DNMBP: variants seen among roughly 807,000 people sequenced by gnomAD.
DNMBP encodes the protein dynamin-binding protein.
A neutral mutation model predicts 150.0 loss-of-function variants in DNMBP; 87 were observed. The observed-to-expected ratio is 0.58, with a 90% confidence interval of 0.49 to 0.69. DNMBP has a LOEUF of 0.69. Ranked by LOEUF, DNMBP falls within the 30% of genes least tolerant of loss-of-function variation. The pLI is 0.00. For synonymous variants in DNMBP, 711 were observed against 750.4 expected, an observed-to-expected ratio of 0.95 and a Z score of 0.86; for missense variants, 1,774 against 1,949.0, an observed-to-expected ratio of 0.91 and a Z score of 1.69.
chr10:99,994,725 C>T (rs2040933156), intron 1 of DNMBP, among the ~76,000 whole-genome samples: 1 of 152,238 alleles, frequency 6.6e-6, no homozygotes, highest in Non-Finnish European at 1.5e-5. Flanking sequence ...AATCAATTTA[C>T]TGACTGTTCT....
intron 1 of DNMBP, among the ~76,000 whole-genome samples, chr10:100,009,169 T>G (rs569102990): frequency 6.6e-6 from 1 of 152,360 alleles, no homozygotes; most frequent in Non-Finnish European, 1.5e-5. Context: ...ACTTAAAATT[T>G]AAGTCTATAC....
chr10:99,968,759 A>C (rs2040645767), intron 3 of DNMBP, among the ~76,000 whole-genome samples: 1 of 151,860 alleles, frequency 6.6e-6, no homozygotes, highest in South Asian at 2.1e-4. Flanking sequence ...CATTGGAAAG[A>C]TAACACTGGA....
chr10:99,937,598 T>C (rs186845407), intron 4 of DNMBP, among the ~76,000 whole-genome samples: 1 of 152,228 alleles, frequency 6.6e-6, no homozygotes, highest in East Asian at 1.9e-4. Flanking sequence ...AAATAGAAAG[T>C]ATCCTGGCCT....
At chr10:99,877,589 C>T (rs995901132) in intron 16 of DNMBP, among the ~76,000 whole-genome samples, 1 of 152,150 alleles carries the variant, frequency 6.6e-6, no homozygotes, top group Admixed American at 6.5e-5. Context: ...TTTGGCCGGG[C>T]ACGGTGGCTC....
chr10:99,974,576 C>T (rs1289536464), intron 1 of DNMBP, among the ~76,000 whole-genome samples: 3 of 152,160 alleles, frequency 2.0e-5, no homozygotes, highest in South Asian at 4.1e-4. Flanking sequence ...TAGCTCACTG[C>T]AGCCTTGAAC....
chr10:99,977,932 C>T (rs917125418), intron 1 of DNMBP, among the ~76,000 whole-genome samples: 2 of 152,146 alleles, frequency 1.3e-5, no homozygotes, highest in African/African-American at 4.8e-5. Context: ...GGCAACAGTG[C>T]CATAGCAATG....
At chr10:99,893,270 C>A (rs114711434) in intron 11 of DNMBP, among the ~76,000 whole-genome samples, 1,760 of 152,292 alleles carry the variant, frequency 0.012, 33 homozygotes, top group African/African-American at 0.041. Context: ...CAGAAGTACA[C>A]TGGCCTTCAG....
At chr10:99,895,073 T>C (rs1353750501) in intron 10 of DNMBP, 23 bp from the exon 11 acceptor site, 2 of 1,472,874 alleles carry the variant, frequency 1.4e-6, no homozygotes, top group African/African-American at 1.4e-5. Context: ...AAACAAGTGC[T>C]GTTAGCAAAT....
At chr10:99,918,495 T>G (rs534844499) in intron 4 of DNMBP, among the ~76,000 whole-genome samples, 1 of 151,940 alleles carries the variant, frequency 6.6e-6, no homozygotes, top group East Asian at 1.9e-4. Context: ...CCTTTCCCCT[T>G]TTCATATCCA....
At chr10:99,893,546 C>T (rs188893866) in intron 11 of DNMBP, among the ~76,000 whole-genome samples, 2 of 152,260 alleles carry the variant, frequency 1.3e-5, no homozygotes, top group Non-Finnish European at 2.9e-5. Flanking sequence ...CCATCCTGGC[C>T]AACATGATGA....
intron 4 of DNMBP, among the ~76,000 whole-genome samples, chr10:99,934,723 C>T (rs1309194889): frequency 3.2e-5 from 4 of 126,666 alleles, no homozygotes; most frequent in South Asian, 5.0e-4. Context: ...ATTTGGTAGA[C>T]GTGAGGAAAT....
chr10:99,877,807 T>A (rs2039299954), intron 16 of DNMBP, among the ~76,000 whole-genome samples: 1 of 151,924 alleles, frequency 6.6e-6, no homozygotes, highest in South Asian at 2.1e-4. Context: ...GAGGTTGCAG[T>A]GAGCCAAGAT....
intron 10 of DNMBP, among the ~76,000 whole-genome samples, chr10:99,895,524 TC>T (rs1752872923): frequency 6.6e-6 from 1 of 152,242 alleles, no homozygotes; most frequent in African/African-American, 2.4e-5. Context: ...GCATGTGGTT[TC>T]AAAAGACCTC....
Position 99,898,305 on chromosome 10 carries a change from G to T in DNMBP, c.2721-20C>A, listed in dbSNP as rs749998958. The T allele has an allele frequency of 2.5e-6, 4 of 1,595,228 alleles. No homozygotes were observed. The South Asian group carries it at 4.4e-5, about 18-fold the overall frequency. ...CATCCCCTGTAAGAGAAGGAAAAAA[G>T]ACTTTAGTAAGCTATCAATAATATA... On this transcript the variant is annotated intron_variant, in intron 8 of 16. Transcript: ENST00000324109.
In DNMBP at chr10:99,941,904, C is replaced by A. The variant is rs376199188; in HGVS notation, c.2260+13310G>T. ...CCAAGGTGCTGGCATCCATCCCTTGCCTGGGTCACTGCAGTAGCCTCCTAA... is the reference window on the plus strand; with the variant it reads ...CCAAGGTGCTGGCATCCATCCCTTGACTGGGTCACTGCAGTAGCCTCCTAA... On this transcript the variant is annotated intron_variant, in intron 4 of 16. Transcript: ENST00000324109. Among the ~76,000 whole-genome samples the A allele has an allele frequency of 3.3e-5, 5 of 152,344 alleles. No individual in the cohort carries two copies. In the East Asian group the frequency reaches 7.7e-4, roughly 24 times the overall value.
chr10:100,005,786 C>CAAAAAAAAAAAAAAAAAAAAAAAAAAAA (rs1589458237), intron 1 of DNMBP, among the ~76,000 whole-genome samples: 1 of 101,084 alleles, frequency 9.9e-6, no homozygotes. Context: ...AAAAAAAAAC[C>CAAAAAAAAAAAAAAAAAAAAAAAAAAAA]AAACTACATA....
chr10:99,956,791 G>C lies in DNMBP; in HGVS notation c.683C>G (p.Thr228Ser), dbSNP rs780243812. 6.2e-7 allele frequency: 1 copy of C among 1,614,090 alleles called. No individual in the cohort carries two copies. The highest frequency in any genetic ancestry group is 8.5e-7 in the Non-Finnish European group (1 of 1,180,020). Residue 228 changes from threonine (T) to serine (S), a missense_variant, in exon 4 of 17, where the codon ACC (threonine) becomes AGC (serine). Physicochemically the swap from Thr to Ser is moderately conservative, Grantham distance 58. Transcript: ENST00000324109. ...DDCIVNGEVD[T>S]PVGEEEIGPD... ...CCCTATCTCTTCTTCTCCTACAGGG[G>C]TATCTACTTCACCATTAACAATGCA...
At chr10:99,911,340 G>A (rs532393000) in intron 4 of DNMBP, among the ~76,000 whole-genome samples, 6 of 152,044 alleles carry the variant, frequency 3.9e-5, no homozygotes, top group Non-Finnish European at 8.8e-5. Context: ...GACCAACATG[G>A]TGAAACCCCA....
intron 4 of DNMBP, among the ~76,000 whole-genome samples, chr10:99,911,595 G>C (rs971996959): frequency 6.6e-6 from 1 of 152,000 alleles, no homozygotes; most frequent in Non-Finnish European, 1.5e-5. Context: ...TGGAGAGTGG[G>C]GATTGACAGA....
Sources: allele counts gnomAD v4.1 joint callset (sites outside exome capture counted in the v4.1 genomes callset), GRCh38; gene constraint gnomAD v4.1.1; transcripts MANE v1.5; gene names NCBI Gene and HGNC (gene_info 2026-07-23, HGNC 2026-07-21).